Variants in SLMAP observed in about 807,000 individuals in gnomAD.
SLMAP encodes the protein sarcolemmal membrane-associated protein.
In SLMAP, 44 loss-of-function variants were observed where a neutral mutation model predicts 128.8. That is an observed-to-expected ratio of 0.34 (90% CI 0.27 to 0.44). SLMAP has a LOEUF of 0.44. SLMAP is among the 20% of genes least tolerant of loss of function. The pLI, the probability that SLMAP is intolerant of heterozygous loss-of-function variation, is 1.00. For missense variants in SLMAP, 787 were observed against 985.3 expected, an observed-to-expected ratio of 0.80 and a Z score of 2.69; for synonymous variants, 327 against 348.8, an observed-to-expected ratio of 0.94 and a Z score of 0.70.
At chr3:57,792,403 C>T (rs982269201) in intron 2 of SLMAP, among the ~76,000 whole-genome samples, 2 of 151,586 alleles carry the variant, frequency 1.3e-5, no homozygotes, top group Admixed American at 1.3e-4. Context: ...TGTGCTGTCA[C>T]ATTTGCCTGA....
chr3:57,802,688 A>T (rs547967310), intron 2 of SLMAP, among the ~76,000 whole-genome samples: 2 of 152,310 alleles, frequency 1.3e-5, no homozygotes, highest in Admixed American at 1.3e-4. Context: ...AGGTTCATGC[A>T]TGTTGTAGAA....
At chr3:57,850,230 TATAGG>T (rs2094452106) in intron 6 of SLMAP, among the ~76,000 whole-genome samples, 1 of 151,832 alleles carries the variant, frequency 6.6e-6, no homozygotes, top group Non-Finnish European at 1.5e-5. Context: ...AATTCACAAA[TATAGG>T]ATAAAAAAAT....
At chr3:57,837,364 G>T (rs1037789925) in intron 3 of SLMAP, among the ~76,000 whole-genome samples, 2 of 151,154 alleles carry the variant, frequency 1.3e-5, no homozygotes, top group Non-Finnish European at 2.9e-5. Flanking sequence ...TCTATCTTTT[G>T]TTTGTTTGTT....
At position 57,917,000 on chromosome 3, in the gene SLMAP, C is replaced by T. The variant is rs752835290; in HGVS notation, c.2233C>T (p.Gln745Ter). The change falls in exon 22 of 25, where the codon CAG (glutamine) becomes TAG (stop). Residue 745 changes from glutamine (Q) to a stop codon, truncating the protein, a stop_gained. Coordinates refer to ENST00000671191, the MANE Select transcript of SLMAP (RefSeq NM_001377540.1). LOFTEE classifies it high-confidence loss of function. Reference sequence around the variant, plus strand: ...GAATCAAGTGGGATCCTTGAAAGAACAGCATCTTCGGGATTCAGCTGATTT... The same window carrying T: ...GAATCAAGTGGGATCCTTGAAAGAATAGCATCTTCGGGATTCAGCTGATTT... Reference protein sequence around the residue: ...LENQVGSLKEQHLRDSADLKT... With the variant: ...LENQVGSLKE The T allele has an allele frequency of 6.2e-7, 1 of 1,613,964 alleles. No homozygotes were observed. Among genetic ancestry groups the T allele is most frequent in the Admixed American group, 1.7e-5 (1 of 60,018 alleles).
intron 14 of SLMAP, among the ~76,000 whole-genome samples, chr3:57,878,572 CTT>C (rs1368827145): frequency 2.0e-5 from 3 of 152,190 alleles, no homozygotes; most frequent in Non-Finnish European, 2.9e-5. Context: ...AAATTTACCT[CTT>C]TAAACCTTGA....
chr3:57,799,706 T>C (rs867749783), intron 2 of SLMAP, among the ~76,000 whole-genome samples: 6 of 151,986 alleles, frequency 3.9e-5, no homozygotes, highest in African/African-American at 1.2e-4. Context: ...GGATGATGTA[T>C]TTTTTTTATT....
chr3:57,857,452 A>G (rs2094847497), intron 6 of SLMAP, among the ~76,000 whole-genome samples: 1 of 152,238 alleles, frequency 6.6e-6, no homozygotes, highest in Non-Finnish European at 1.5e-5. Flanking sequence ...AACAATTACA[A>G]CAGTATACTG....
At chr3:57,857,197 A>G (rs939587183) in intron 6 of SLMAP, among the ~76,000 whole-genome samples, 14 of 152,212 alleles carry the variant, frequency 9.2e-5, no homozygotes, top group Non-Finnish European at 2.1e-4. Flanking sequence ...AGTTGCAGTT[A>G]GAGAACCTCT....
At chr3:57,841,847 A>C (rs2093951211) in intron 4 of SLMAP, among the ~76,000 whole-genome samples, 1 of 152,102 alleles carries the variant, frequency 6.6e-6, no homozygotes, top group Admixed American at 6.6e-5. Context: ...TGTCCTATTT[A>C]CTTTTTGTAT....
At chr3:57,785,144 C>G (rs1174259398) in intron 2 of SLMAP, among the ~76,000 whole-genome samples, 1 of 152,056 alleles carries the variant, frequency 6.6e-6, no homozygotes, top group Non-Finnish European at 1.5e-5. Context: ...CAAACATAAA[C>G]GTTTACTTGG....
At chr3:57,774,783 C>G (rs2081504196) in intron 2 of SLMAP, among the ~76,000 whole-genome samples, 2 of 152,054 alleles carry the variant, frequency 1.3e-5, no homozygotes, top group South Asian at 4.1e-4. Context: ...CTCAGCCTCC[C>G]AAAATGCTGG....
chr3:57,919,604 G>A (rs1238030386), intron 22 of SLMAP, among the ~76,000 whole-genome samples: 4 of 151,712 alleles, frequency 2.6e-5, no homozygotes, highest in Admixed American at 2.6e-4. Flanking sequence ...AGACCAGCCT[G>A]ATCAACATGG....
chr3:57,868,579 T>C (rs1224533996), intron 13 of SLMAP, among the ~76,000 whole-genome samples: 1 of 151,620 alleles, frequency 6.6e-6, no homozygotes, highest in Non-Finnish European at 1.5e-5. Flanking sequence ...ATTTAAAAAT[T>C]AGCCAAGTGT....
intron 2 of SLMAP, among the ~76,000 whole-genome samples, chr3:57,785,979 T>C (rs1428902807): frequency 2.0e-5 from 3 of 152,222 alleles, no homozygotes; most frequent in African/African-American, 7.2e-5. Context: ...CTTCTACTAC[T>C]ACTTTTCTAG....
chr3:57,814,293 G>A (rs2091525874), intron 2 of SLMAP, among the ~76,000 whole-genome samples: 1 of 151,804 alleles, frequency 6.6e-6, no homozygotes. Flanking sequence ...GGGCTCAAGC[G>A]GTCCTCATGC....
At chr3:57,809,872 T>C (rs1380334168) in intron 2 of SLMAP, among the ~76,000 whole-genome samples, 1 of 152,168 alleles carries the variant, frequency 6.6e-6, no homozygotes, top group African/African-American at 2.4e-5. Flanking sequence ...TTGCTCACCC[T>C]CCACTTGTCT....
In SLMAP at chr3:57,847,699, T is replaced by C. The variant is rs942895827; in HGVS notation, c.456+466T>C. Among the ~76,000 whole-genome samples, 4 of 152,364 alleles carry C rather than the reference T, an allele frequency of 2.6e-5. No individual in the cohort carries two copies. In the East Asian group the frequency reaches 7.7e-4, roughly 29 times the overall value. On this transcript the variant is annotated intron_variant, in intron 5 of 24. Transcript: ENST00000671191. ...GATCAGAAACTTTGCAATAATTGCT[T>C]GCTAGAAAGCATTTTTCTTTTGTTC...
intron 23 of SLMAP, among the ~76,000 whole-genome samples, chr3:57,925,334 CTTT>C (rs11450622): frequency 8.3e-6 from 1 of 120,038 alleles, no homozygotes; most frequent in East Asian, 2.7e-4. Flanking sequence ...GTTTCTTTCT[CTTT>C]TTTTTTTTTT....
chr3:57,866,741 C>T (rs900860002), intron 13 of SLMAP, among the ~76,000 whole-genome samples: 3 of 151,974 alleles, frequency 2.0e-5, no homozygotes, highest in Non-Finnish European at 4.4e-5. Flanking sequence ...AAATTAGCCA[C>T]GCATGGTGGC....
Sources: allele counts gnomAD v4.1 joint callset (sites outside exome capture counted in the v4.1 genomes callset), GRCh38; gene constraint gnomAD v4.1.1; transcripts MANE v1.5; gene names NCBI Gene and HGNC (gene_info 2026-07-23, HGNC 2026-07-21).